Variants in PEBP4 observed in about 807,000 individuals in gnomAD.
The protein encoded by PEBP4 is phosphatidylethanolamine binding protein 4.
A neutral mutation model predicts 23.9 loss-of-function variants in PEBP4; 22 were observed. The observed-to-expected ratio is 0.92, with a 90% CI of 0.66 to 1.31. The LOEUF (loss-of-function observed/expected upper bound fraction) is 1.31. Ranked by LOEUF, PEBP4 falls within the 40% of genes most tolerant of loss-of-function variation. PEBP4 has a pLI of 0.00. For synonymous variants in PEBP4, 112 were observed against 99.3 expected, an observed-to-expected ratio of 1.13 and a Z score of -0.76; for missense variants, 324 against 281.7, an observed-to-expected ratio of 1.15 and a Z score of -1.07.
chr8:22,848,220 A>C (rs1471027772), intron 3 of PEBP4, among the ~76,000 whole-genome samples: 1 of 152,204 alleles, frequency 6.6e-6, no homozygotes, highest in Non-Finnish European at 1.5e-5. Flanking sequence ...ATGATTAAAG[A>C]TGAATTCCAT....
chr8:22,824,279 G>A (rs541605626), intron 3 of PEBP4, among the ~76,000 whole-genome samples: 1 of 152,016 alleles, frequency 6.6e-6, no homozygotes, highest in Non-Finnish European at 1.5e-5. Context: ...GAAAAAAAAA[G>A]TCATGGTGAG....
chr8:22,933,005 C>CAA (rs11474736), intron 1 of PEBP4, among the ~76,000 whole-genome samples: 59,391 of 133,666 alleles, frequency 0.44, 14,536 homozygotes, highest in African/African-American at 0.69. Flanking sequence ...ACTCCGTCTC[C>CAA]AAAAAAAAAA....
At position 22,749,814 on chromosome 8, in the gene PEBP4, T is replaced by TTTTTTTTTTTTTTTTTTTC. The variant is rs1805211445; in HGVS notation, c.358-22595_358-22594insGAAAAAAAAAAAAAAAAAA. Among the ~76,000 whole-genome samples, 2 of 136,914 alleles carry TTTTTTTTTTTTTTTTTTTC rather than the reference T, an allele frequency of 1.5e-5. 1 individual carries two copies. The highest frequency in any genetic ancestry group is 3.3e-5 in the Non-Finnish European group (2 of 61,474). The allele number at this position is 136,914 out of a possible 152,430, so 89.8% of individuals were successfully genotyped here. ...TTCTCAGTTTGTCATTCTTTTTTTT[T>TTTTTTTTTTTTTTTTTTTC]TTTTTTTTTGAGATGGAGTTTCGCT... On this transcript the variant is annotated intron_variant, in intron 4 of 6. Coordinates refer to ENST00000256404, the MANE Select transcript of PEBP4 (RefSeq NM_144962.3).
chr8:22,889,426 T>C (rs2466180), intron 3 of PEBP4, among the ~76,000 whole-genome samples: 120,997 of 152,144 alleles, frequency 0.8, 49,858 homozygotes, highest in East Asian at 1. Context: ...CAGAAGATGC[T>C]ACCCTGTTCT....
chr8:22,926,258 G>A (rs1809330349), intron 2 of PEBP4, among the ~76,000 whole-genome samples: 1 of 152,070 alleles, frequency 6.6e-6, no homozygotes. Flanking sequence ...TTACAGGTGT[G>A]AGCCACCGTG....
At chr8:22,764,117 G>GA (rs1229505758) in intron 4 of PEBP4, among the ~76,000 whole-genome samples, 6 of 152,278 alleles carry the variant, frequency 3.9e-5, no homozygotes, top group African/African-American at 1.4e-4. Context: ...CAAGGATGAA[G>GA]AAAAAATGGC....
At chr8:22,766,739 A>G (rs981252296) in intron 4 of PEBP4, among the ~76,000 whole-genome samples, 3 of 152,152 alleles carry the variant, frequency 2.0e-5, no homozygotes, top group African/African-American at 4.8e-5. Context: ...TTCTTTCTCT[A>G]ACACTTTACT....
rs951632050 is a variant in PEBP4, at chr8:22,844,290, A to G, written c.259-26555T>C. ...GTTTCACTTTTGTTGCCCAGGCTGG[A>G]GTGCAAAGGCACGATCTCAGCTCAC... is the stretch of plus-strand genomic sequence containing the variant. On this transcript the variant is annotated intron_variant, in intron 3 of 6. Coordinates refer to ENST00000256404, the MANE Select transcript of PEBP4 (RefSeq NM_144962.3). Among the ~76,000 whole-genome samples, 15 of 152,304 alleles carry G rather than the reference A, an allele frequency of 9.8e-5. No individual in the cohort carries two copies. In the East Asian group the frequency reaches 2.9e-3, roughly 29 times the overall value.
chr8:22,769,749 T>A (rs184575740), intron 4 of PEBP4, among the ~76,000 whole-genome samples: 34 of 152,312 alleles, frequency 2.2e-4, no homozygotes, highest in African/African-American at 6.3e-4. Context: ...CTTCTTTTTT[T>A]AAAAAAATAA....
upstream of PEBP4, among the ~76,000 whole-genome samples, chr8:22,928,489 AG>A (rs545945020): frequency 4.2e-4 from 64 of 152,298 alleles, 5 homozygotes; most frequent in South Asian, 0.013. Flanking sequence ...GGGCTCAGAA[AG>A]GGGTGGCCTG....
At chr8:22,892,911 A>C (rs1433355894) in intron 3 of PEBP4, among the ~76,000 whole-genome samples, 1 of 152,192 alleles carries the variant, frequency 6.6e-6, no homozygotes, top group African/African-American at 2.4e-5. Flanking sequence ...GAAACCTGAC[A>C]GTCACCTTGA....
intron 3 of PEBP4, among the ~76,000 whole-genome samples, chr8:22,851,853 C>T (rs1167710645): frequency 1.3e-5 from 2 of 152,030 alleles, no homozygotes; most frequent in African/African-American, 4.8e-5. Flanking sequence ...ATGGCATTTT[C>T]GTATTGTTAG....
At chr8:22,808,027 TTATC>T (rs1239678032) in intron 4 of PEBP4, among the ~76,000 whole-genome samples, 9 of 151,134 alleles carry the variant, frequency 6.0e-5, no homozygotes, top group African/African-American at 2.2e-4. Flanking sequence ...TACCTAATCT[TTATC>T]CATCCATCCA....
At chr8:22,844,530 A>C (rs1376975494) in intron 3 of PEBP4, among the ~76,000 whole-genome samples, 1 of 152,170 alleles carries the variant, frequency 6.6e-6, no homozygotes, top group African/African-American at 2.4e-5. Context: ...TGAGCCACCC[A>C]CCATGCCCAG....
At chr8:22,804,140 G>T (rs149392081) in intron 4 of PEBP4, among the ~76,000 whole-genome samples, 2,300 of 152,224 alleles carry the variant, frequency 0.015, 48 homozygotes, top group Non-Finnish European at 0.018. Context: ...GAGCAACCTG[G>T]GCAACATAGT....
intron 4 of PEBP4, among the ~76,000 whole-genome samples, chr8:22,766,697 G>T (rs1805621027): frequency 6.6e-6 from 1 of 152,178 alleles, no homozygotes; most frequent in Admixed American, 6.5e-5. Flanking sequence ...GGCGGCGGTT[G>T]GGGGAATGGA....
intron 3 of PEBP4, among the ~76,000 whole-genome samples, chr8:22,872,654 TTTGA>T (rs757204863): frequency 6.6e-5 from 10 of 152,220 alleles, no homozygotes; most frequent in Non-Finnish European, 1.5e-4. Flanking sequence ...TCTTAGCTAC[TTTGA>T]TTTTCTAGGT....
chr8:22,819,721 C>T (rs1007386318), intron 3 of PEBP4, among the ~76,000 whole-genome samples: 2 of 152,188 alleles, frequency 1.3e-5, no homozygotes, highest in Non-Finnish European at 2.9e-5. Flanking sequence ...ATTCTCCTGC[C>T]TCAGCCTCCC....
At chr8:22,778,949 A>G (rs990418161) in intron 4 of PEBP4, among the ~76,000 whole-genome samples, 1 of 151,972 alleles carries the variant, frequency 6.6e-6, no homozygotes, top group Non-Finnish European at 1.5e-5. Context: ...AGGTGTGAGG[A>G]ACTCCAATTA....
Sources: allele counts gnomAD v4.1 joint callset (sites outside exome capture counted in the v4.1 genomes callset), GRCh38; gene constraint gnomAD v4.1.1; transcripts MANE v1.5; gene names NCBI Gene and HGNC (gene_info 2026-07-23, HGNC 2026-07-21).